The following CTBP1 variants were observed in gnomAD, a reference collection of about 807,000 sequenced individuals.
The protein encoded by CTBP1 is C-terminal-binding protein 1.
In CTBP1, 11 loss-of-function variants were observed where a neutral mutation model predicts 42.1. That is an observed-to-expected ratio of 0.26 (90% CI 0.16 to 0.43). The LOEUF (loss-of-function observed/expected upper bound fraction) is 0.43. CTBP1 is among the 20% of genes least tolerant of loss of function. CTBP1 has a pLI of 1.00. For missense variants in CTBP1, 399 were observed against 624.3 expected (o/e 0.64, Z 3.85); for synonymous variants, 324 against 277.1 (o/e 1.17, Z -1.68).
rs369395057 is a variant in CTBP1 at position 1,220,737 on chromosome 4, C to T, written c.515-4532G>A. ...CTTTCCACAGAGGAGCCAAGCCAACCGGAAGGAGGGCTCCTCGGCGCATCG... is the reference window on the plus strand; with the variant it reads ...CTTTCCACAGAGGAGCCAAGCCAACTGGAAGGAGGGCTCCTCGGCGCATCG... On this transcript the variant is annotated intron_variant, in intron 5 of 9. Coordinates refer to ENST00000382952, the MANE Select transcript of CTBP1 (RefSeq NM_001012614.2). 3.0e-4 allele frequency among the ~76,000 whole-genome samples: 46 copies of T among 152,382 alleles called. No homozygotes were observed. The East Asian group carries it at 7.9e-3, about 26-fold the overall frequency.
At chr4:1,215,765 G>A (rs1021714323) in intron 6 of CTBP1, 15 of 590,192 alleles carry the variant, frequency 2.5e-5, no homozygotes, top group South Asian at 4.0e-5. Context: ...ATGAGGTTCT[G>A]TCTTGTCCAG....
chr4:1,214,483 A>T lies in CTBP1; in HGVS notation c.730-10T>A. ...AGGCCCCTTGTCTCATCTAGAAGACATAAGGACAGGCCAGGCCCAGTCAGG... is the reference window on the plus strand; with the variant it reads ...AGGCCCCTTGTCTCATCTAGAAGACTTAAGGACAGGCCAGGCCCAGTCAGG... On this transcript the variant is annotated splice_polypyrimidine_tract_variant and intron_variant, in intron 6 of 9. Transcript: ENST00000382952. 6.3e-7 allele frequency: 1 copy of T among 1,575,812 alleles called. No homozygotes were observed. Among genetic ancestry groups the T allele is most frequent in the Non-Finnish European group, 8.6e-7 (1 of 1,165,534 alleles).
At chr4:1,230,769 A>G (rs3755943) in intron 3 of CTBP1, among the ~76,000 whole-genome samples, 9,449 of 152,320 alleles carry the variant, frequency 0.062, 492 homozygotes, top group East Asian at 0.21. Flanking sequence ...TATGACGAAT[A>G]TTCATCCGCG....
At position 1,213,576 on chromosome 4, in the gene CTBP1, G is replaced by T; in HGVS notation, c.890C>A (p.Pro297His). 6.2e-7 allele frequency: 1 copy of T among 1,613,296 alleles called. No individual in the cohort carries two copies. Among genetic ancestry groups the T allele is most frequent in the Non-Finnish European group, 8.5e-7 (1 of 1,179,922 alleles). Residue 297 changes from proline (P) to histidine (H), a missense_variant, in exon 8 of 10, where the codon CCC (proline) becomes CAC (histidine). Pro to His is a moderately conservative substitution (Grantham distance 77). Transcript: ENST00000382952. Reference protein sequence around the residue: ...SFSQGPLKDAPNLICTPHAAW... With the variant: ...SFSQGPLKDAHNLICTPHAAW... ...AGCATGGGGGGTGCAGATGAGGTTG[G>T]GTGCATCCTTCAGAGGGCCCTGGCT...
At chr4:1,224,884 G>C (rs902967504) in intron 5 of CTBP1, among the ~76,000 whole-genome samples, 7 of 151,714 alleles carry the variant, frequency 4.6e-5, no homozygotes, top group Admixed American at 4.6e-4. Flanking sequence ...CATCCGTGCA[G>C]GCCAGTATGT....
At chr4:1,234,494 C>T (rs1015423756) in intron 3 of CTBP1, among the ~76,000 whole-genome samples, 1 of 152,218 alleles carries the variant, frequency 6.6e-6, no homozygotes, top group East Asian at 1.9e-4. Context: ...CTGGGCTGTG[C>T]AGCCTGGGTG....
chr4:1,242,171 C>A, intron 1 of CTBP1: 2 of 985,450 alleles, frequency 2.0e-6, no homozygotes, highest in Non-Finnish European at 2.4e-6. Context: ...AGGGCACGAA[C>A]CCCAGTGGCT....
At chr4:1,241,784 C>T in intron 1 of CTBP1, 3 of 1,185,738 alleles carry the variant, frequency 2.5e-6, no homozygotes, top group Non-Finnish European at 3.2e-6. Flanking sequence ...TGGGAACAGT[C>T]CCCCAGGGCT....
chr4:1,242,732 C>T, intron 1 of CTBP1: 1 of 985,434 alleles, frequency 1.0e-6, no homozygotes, highest in Non-Finnish European at 1.2e-6. Flanking sequence ...CCTGAGCCCC[C>T]ATGACCTGCG....
At chr4:1,229,084 G>A (rs536529840) in intron 3 of CTBP1, among the ~76,000 whole-genome samples, 7 of 152,292 alleles carry the variant, frequency 4.6e-5, no homozygotes, top group African/African-American at 1.7e-4. Flanking sequence ...CAACCCTGGC[G>A]CCTCCACTCA....
intron 1 of CTBP1, chr4:1,241,806 C>G: frequency 8.5e-7 from 1 of 1,179,772 alleles, no homozygotes; most frequent in Non-Finnish European, 1.1e-6. Context: ...CGGCCACCCC[C>G]ACAGGCTCTA....
chr4:1,230,452 C>T (rs975513913), intron 3 of CTBP1, among the ~76,000 whole-genome samples: 5 of 152,182 alleles, frequency 3.3e-5, no homozygotes, highest in Non-Finnish European at 7.4e-5. Flanking sequence ...GGAGGGGCTG[C>T]GCATGCGAGC....
At chr4:1,229,099 G>A (rs764658126) in intron 3 of CTBP1, among the ~76,000 whole-genome samples, 1 of 152,222 alleles carries the variant, frequency 6.6e-6, no homozygotes, top group Non-Finnish European at 1.5e-5. Context: ...CACTCAGCCA[G>A]TACATGGCAT....
Position 1,219,761 on chromosome 4 carries a change from C to T in CTBP1, c.515-3556G>A, listed in dbSNP as rs185347368. On this transcript the variant is annotated intron_variant, in intron 5 of 9. Coordinates refer to ENST00000382952, the MANE Select transcript of CTBP1 (RefSeq NM_001012614.2). ...CGCCATCCAGGCTGGTTTCTAACTCCTGGTGATCCTCCGGCCTCGGCCTCA... is the reference window on the plus strand; with the variant it reads ...CGCCATCCAGGCTGGTTTCTAACTCTTGGTGATCCTCCGGCCTCGGCCTCA... Among the ~76,000 whole-genome samples, 241 of 152,350 alleles carry T rather than the reference C, an allele frequency of 1.6e-3. 1 individual carries two copies. The highest frequency in any genetic ancestry group is 5.6e-3 in the African/African-American group (232 of 41,580).
chr4:1,230,425 G>A (rs540622323), intron 3 of CTBP1, among the ~76,000 whole-genome samples: 4 of 152,212 alleles, frequency 2.6e-5, no homozygotes, highest in East Asian at 3.8e-4. Context: ...AAGCTTCGTC[G>A]GCACCCACTG....
chr4:1,246,079 G>A (rs1220457893), intron 1 of CTBP1, among the ~76,000 whole-genome samples: 2 of 152,234 alleles, frequency 1.3e-5, no homozygotes, highest in African/African-American at 4.8e-5. Flanking sequence ...GGAATGTGTG[G>A]CCGGAGGGGC....
chr4:1,237,167 T>G, intron 3 of CTBP1: 1 of 654,942 alleles, frequency 1.5e-6, no homozygotes. Context: ...CACCTCCTGA[T>G]GGGGCTCAGG....
At chr4:1,244,275 G>A (rs574060377) in intron 1 of CTBP1, 51 of 985,194 alleles carry the variant, frequency 5.2e-5, no homozygotes, top group Middle Eastern at 5.2e-4. Flanking sequence ...GAGAGGGACC[G>A]GGTTGCCCCG....
chr4:1,238,022 A>AC lies in CTBP1; in HGVS notation c.162+160dup. The AC allele has an allele frequency of 2.1e-6, 2 of 932,006 alleles. No homozygotes were observed. The highest frequency in any genetic ancestry group is 3.4e-6 in the Non-Finnish European group (2 of 581,272). 57.7% of individuals were successfully genotyped at this position (932,006 alleles called of 1,614,324 possible). On this transcript the variant is annotated intron_variant, in intron 3 of 9. Transcript: ENST00000382952. This position sits in a 1 kb window ranked among gnomAD's most constrained non-coding sequence, Gnocchi z 5.9. ...CACCTCCTGATGGTGTCCAGGGAAAACCCCGTGTCCACCTCCTGACGGCGC... is the reference window on the plus strand; with the variant it reads ...CACCTCCTGATGGTGTCCAGGGAAAACCCCCGTGTCCACCTCCTGACGGCGC...
Sources: gnomAD v4.1 joint callset for allele counts (sites outside exome capture counted in the v4.1 genomes callset) on GRCh38, gnomAD v4.1.1 for gene constraint, Gnocchi (gnomAD v3.1) non-coding constraint, MANE v1.5 for transcripts, NCBI Gene and HGNC (gene_info 2026-07-23, HGNC 2026-07-21) for gene names.